Variants in SLC25A21 observed in about 807,000 individuals in gnomAD.
The protein encoded by SLC25A21 is mitochondrial 2-oxodicarboxylate carrier.
Under a neutral mutation model 43.8 loss-of-function variants are expected in SLC25A21, and 47 were observed. The observed-to-expected ratio is 1.07, with a 90% confidence interval of 0.85 to 1.37. The LOEUF is 1.37. Among genes scored for constraint, SLC25A21 ranks in the 40% most tolerant of loss-of-function variants. The pLI is 0.00. For missense variants in SLC25A21, 352 were observed against 350.2 expected (o/e 1.00, Z -0.04); for synonymous variants, 131 against 121.3 (o/e 1.08, Z -0.52).
intron 3 of SLC25A21, among the ~76,000 whole-genome samples, chr14:36,804,849 A>T (rs976267345): frequency 3.3e-5 from 5 of 152,182 alleles, no homozygotes; most frequent in African/African-American, 7.2e-5. Flanking sequence ...TGATTTGAAA[A>T]TGTTCGGTTT....
chr14:37,094,541 T>C (rs1962648877), intron 1 of SLC25A21, among the ~76,000 whole-genome samples: 1 of 152,170 alleles, frequency 6.6e-6, no homozygotes, highest in South Asian at 2.1e-4. Context: ...GGCCCATCAA[T>C]TTCTCCTCTA....
intron 2 of SLC25A21, among the ~76,000 whole-genome samples, chr14:36,865,291 G>T (rs1890183793): frequency 6.6e-6 from 1 of 151,994 alleles, no homozygotes; most frequent in Admixed American, 6.6e-5. Flanking sequence ...TAAAGTTTGT[G>T]GTGGGCTTAT....
chr14:36,720,449 G>C (rs1884328707), intron 6 of SLC25A21, among the ~76,000 whole-genome samples: 1 of 152,254 alleles, frequency 6.6e-6, no homozygotes, highest in African/African-American at 2.4e-5. Flanking sequence ...TGCTGCCTGA[G>C]AAATTCTCCC....
chr14:37,075,564 T>C (rs1357165512), intron 1 of SLC25A21, among the ~76,000 whole-genome samples: 1 of 152,192 alleles, frequency 6.6e-6, no homozygotes, highest in Non-Finnish European at 1.5e-5. Context: ...ACATCCACTG[T>C]GGGCACTCAC....
At chr14:36,816,120 T>C (rs1196377849) in intron 2 of SLC25A21, among the ~76,000 whole-genome samples, 7 of 152,138 alleles carry the variant, frequency 4.6e-5, no homozygotes, top group Admixed American at 2.0e-4. Context: ...TGTGGTATAA[T>C]ACTGAAAAGC....
intron 3 of SLC25A21, among the ~76,000 whole-genome samples, chr14:36,742,527 T>C (rs1885314812): frequency 6.6e-6 from 1 of 152,170 alleles, no homozygotes. Context: ...TTGAATTATG[T>C]AGAATCTATA....
rs974803264 is a variant in SLC25A21 at position 37,002,841 on chromosome 14, T to C, written c.71-127837A>G. Among the ~76,000 whole-genome samples the C allele has an allele frequency of 4.6e-5, 7 of 152,334 alleles. No individual in the cohort carries two copies. In the East Asian group the frequency reaches 1.2e-3, roughly 25 times the overall value. The stretch of plus-strand genomic sequence containing the variant: ...CAGTAACTCCACAGTTCAGAAATGA[T>C]GGTGTAGCAACAGCACTTCAGTGAT... On this transcript the variant is annotated intron_variant, in intron 1 of 9. Coordinates refer to ENST00000331299, the MANE Select transcript of SLC25A21 (RefSeq NM_030631.4).
chr14:37,122,570 C>T (rs1256439583), intron 1 of SLC25A21, among the ~76,000 whole-genome samples: 3 of 152,128 alleles, frequency 2.0e-5, no homozygotes, highest in Non-Finnish European at 4.4e-5. Context: ...CATGGTAGTG[C>T]TGTATACAAC....
intron 1 of SLC25A21, among the ~76,000 whole-genome samples, chr14:37,126,547 G>T (rs779716910): frequency 6.6e-6 from 1 of 151,364 alleles, no homozygotes; most frequent in Non-Finnish European, 1.5e-5. Context: ...AAAGACATTT[G>T]TTACAAGGAG....
At chr14:37,075,526 T>C (rs1962261993) in intron 1 of SLC25A21, among the ~76,000 whole-genome samples, 1 of 152,138 alleles carries the variant, frequency 6.6e-6, no homozygotes, top group African/African-American at 2.4e-5. Flanking sequence ...CTATAAACAG[T>C]GTACATAGAG....
At chr14:37,134,944 T>C (rs1448904368) in intron 1 of SLC25A21, among the ~76,000 whole-genome samples, 1 of 151,294 alleles carries the variant, frequency 6.6e-6, no homozygotes, top group Non-Finnish European at 1.5e-5. Context: ...TTTTTTTTTT[T>C]TGAGACCGAG....
intron 1 of SLC25A21, among the ~76,000 whole-genome samples, chr14:37,117,638 G>C (rs1281792152): frequency 6.6e-6 from 1 of 152,094 alleles, no homozygotes; most frequent in Non-Finnish European, 1.5e-5. Context: ...AAGAGGGAGA[G>C]GGGGGAAGTG....
At chr14:36,904,294 C>G (rs1395800405) in intron 1 of SLC25A21, among the ~76,000 whole-genome samples, 1 of 152,162 alleles carries the variant, frequency 6.6e-6, no homozygotes, top group Non-Finnish European at 1.5e-5. Flanking sequence ...ATCAGCAACT[C>G]AAAGGGCCAT....
At chr14:36,993,478 A>G (rs543232317) in intron 1 of SLC25A21, among the ~76,000 whole-genome samples, 1 of 152,296 alleles carries the variant, frequency 6.6e-6, no homozygotes, top group Admixed American at 6.5e-5. Flanking sequence ...AGGTCTCAAG[A>G]TGATCACAAC....
intron 1 of SLC25A21, among the ~76,000 whole-genome samples, chr14:36,875,402 T>C (rs1394160986): frequency 1.3e-5 from 2 of 152,154 alleles, no homozygotes; most frequent in East Asian, 3.9e-4. Context: ...TCTCCCAGCT[T>C]TGGTATGTTA....
chr14:36,686,588 A>G (rs1021754674), intron 7 of SLC25A21, among the ~76,000 whole-genome samples: 3 of 152,200 alleles, frequency 2.0e-5, no homozygotes, highest in Non-Finnish European at 4.4e-5. Flanking sequence ...AATATAAGTA[A>G]AAGTGTTATA....
intron 1 of SLC25A21, among the ~76,000 whole-genome samples, chr14:36,955,910 G>C (rs998495243): frequency 1.3e-5 from 2 of 152,070 alleles, no homozygotes; most frequent in African/African-American, 4.8e-5. Flanking sequence ...CTTTGGTGCT[G>C]GTCAATAAAC....
Position 37,038,367 on chromosome 14 carries a change from G to A in SLC25A21, c.70+133914C>T, listed in dbSNP as rs543576276. On this transcript the variant is annotated intron_variant, in intron 1 of 9. Transcript: ENST00000331299. ...TGAAAAATTTGTCTTTCTGCCTCTA[G>A]CCTCTCCTTCAGCATTTCTGAAAGT... is the stretch of plus-strand genomic sequence containing the variant. Among the ~76,000 whole-genome samples the A allele has an allele frequency of 3.3e-5, 5 of 152,198 alleles. No individual in the cohort carries two copies. In the South Asian group the frequency reaches 1.0e-3, roughly 32 times the overall value.
intron 1 of SLC25A21, among the ~76,000 whole-genome samples, chr14:36,966,325 C>A (rs1301394507): frequency 6.6e-6 from 1 of 152,164 alleles, no homozygotes; most frequent in Non-Finnish European, 1.5e-5. Context: ...TAACAACTCC[C>A]TACCAGATGG....
Sources: allele counts gnomAD v4.1 joint callset (sites outside exome capture counted in the v4.1 genomes callset), GRCh38; gene constraint gnomAD v4.1.1; transcripts MANE v1.5; gene names NCBI Gene and HGNC (gene_info 2026-07-23, HGNC 2026-07-21).